ABLIM1: variants seen among roughly 807,000 people sequenced by gnomAD.
ABLIM1 encodes the protein actin-binding LIM protein 1.
A neutral mutation model predicts 107.0 loss-of-function variants in ABLIM1; 40 were observed. That is an observed-to-expected ratio of 0.37 (90% CI 0.29 to 0.49). The LOEUF (loss-of-function observed/expected upper bound fraction) is 0.49. Ranked by LOEUF, ABLIM1 falls within the 20% of genes least tolerant of loss-of-function variation. ABLIM1 has a pLI of 0.97. For missense variants in ABLIM1, 857 were observed against 1,008.5 expected (o/e 0.85, Z 2.04); for synonymous variants, 357 against 357.3 (o/e 1.00, Z 0.01).
At chr10:114,786,580 G>A in the ABLIM1 span, among the ~76,000 whole-genome samples, 1 of 152,130 alleles carries the variant, frequency 6.6e-6, no homozygotes, top group African/African-American at 2.4e-5. Context: ...ATTTGTCATA[G>A]GTCTCTTGAA....
At chr10:114,606,448 A>C (rs1259522798) in intron 1 of ABLIM1, among the ~76,000 whole-genome samples, 1 of 151,958 alleles carries the variant, frequency 6.6e-6, no homozygotes, top group Non-Finnish European at 1.5e-5. Flanking sequence ...GTTGGCCAGG[A>C]TGGTCTTGAT....
At chr10:114,615,608 T>C (rs1165308701) in intron 1 of ABLIM1, 1 of 459,826 alleles carries the variant, frequency 2.2e-6, no homozygotes, top group Non-Finnish European at 4.4e-6. Flanking sequence ...CAGCACTCTA[T>C]AAATGCATGT....
chr10:114,704,335 T>TATATCTCACG (rs3061769), intron 1 of ABLIM1, among the ~76,000 whole-genome samples: 2,389 of 82,972 alleles, frequency 0.029, 274 homozygotes, highest in Non-Finnish European at 0.034. Context: ...TATATATATA[T>TATATCTCACG]TGCGCGCGTT....
chr10:114,615,895 C>T (rs1369825928), intron 1 of ABLIM1, among the ~76,000 whole-genome samples: 1 of 151,916 alleles, frequency 6.6e-6, no homozygotes. Context: ...TGAATGAGAA[C>T]CACACAACAA....
At chr10:114,665,854 A>G (rs2080005074) in intron 1 of ABLIM1, among the ~76,000 whole-genome samples, 1 of 152,218 alleles carries the variant, frequency 6.6e-6, no homozygotes, top group South Asian at 2.1e-4. Context: ...ATCCACAGTC[A>G]AAATTAGATG....
At chr10:114,467,804 T>C (rs2065501707) in intron 11 of ABLIM1, among the ~76,000 whole-genome samples, 1 of 152,210 alleles carries the variant, frequency 6.6e-6, no homozygotes, top group African/African-American at 2.4e-5. Flanking sequence ...TGGCTCTGCT[T>C]ATAGAATACG....
intron 6 of ABLIM1, among the ~76,000 whole-genome samples, chr10:114,495,565 GTGA>G (rs1297627421): frequency 1.3e-5 from 2 of 152,088 alleles, no homozygotes; most frequent in East Asian, 1.9e-4. Context: ...GACAATGATG[GTGA>G]TGATGATGGT....
At chr10:114,773,767 A>G in the ABLIM1 span, among the ~76,000 whole-genome samples, 23 of 152,152 alleles carry the variant, frequency 1.5e-4, no homozygotes, top group African/African-American at 5.5e-4. Context: ...CAGCAAAAAT[A>G]TCTTTCAAAA....
chr10:114,608,087 G>A (rs537989505), intron 1 of ABLIM1, among the ~76,000 whole-genome samples: 21 of 152,114 alleles, frequency 1.4e-4, no homozygotes, highest in South Asian at 4.2e-4. Flanking sequence ...CTTATAGGCC[G>A]GGCACCTTGG....
At chr10:114,722,909 C>A (rs2081880792) in intron 1 of ABLIM1, among the ~76,000 whole-genome samples, 1 of 152,176 alleles carries the variant, frequency 6.6e-6, no homozygotes, top group South Asian at 2.1e-4. Context: ...TTTAACCCAG[C>A]TCAAGCTGAG....
chr10:114,718,115 G>GGAAGGAAGGA (rs1268823409), intron 1 of ABLIM1, among the ~76,000 whole-genome samples: 2 of 67,180 alleles, frequency 3.0e-5, no homozygotes, highest in Non-Finnish European at 7.8e-5. Context: ...GAAAAAGAAA[G>GGAAGGAAGGA]AAAGAAAAAG....
At chr10:114,489,739 G>A (rs2058676947) in intron 7 of ABLIM1, among the ~76,000 whole-genome samples, 2 of 152,144 alleles carry the variant, frequency 1.3e-5, no homozygotes, top group South Asian at 2.1e-4. Flanking sequence ...GTTCTCCAGA[G>A]GTCAGGCACA....
chr10:114,568,046 C>T (rs1484803801), intron 4 of ABLIM1, among the ~76,000 whole-genome samples: 4 of 151,314 alleles, frequency 2.6e-5, no homozygotes, highest in African/African-American at 7.3e-5. Flanking sequence ...AAAAATTAGC[C>T]GGGCGCGGTG....
intron 12 of ABLIM1, among the ~76,000 whole-genome samples, chr10:114,454,505 G>T (rs150586440): frequency 6.6e-6 from 1 of 152,104 alleles, no homozygotes; most frequent in African/African-American, 2.4e-5. Context: ...CAGACTGGAG[G>T]AGCAACAGGA....
chr10:114,503,174 T>C (rs1432917075), intron 6 of ABLIM1, among the ~76,000 whole-genome samples: 1 of 152,204 alleles, frequency 6.6e-6, no homozygotes, highest in Non-Finnish European at 1.5e-5. Context: ...TGGCTGCTTT[T>C]CTGGGCATGG....
chr10:114,762,305 T>C (rs2082766267), intron 1 of ABLIM1, among the ~76,000 whole-genome samples: 1 of 152,184 alleles, frequency 6.6e-6, no homozygotes, highest in Admixed American at 6.5e-5. Context: ...AGTGCTGGGA[T>C]TACAGGCGTG....
At chr10:114,528,914 A>G (rs1025336298) in intron 6 of ABLIM1, among the ~76,000 whole-genome samples, 1 of 152,180 alleles carries the variant, frequency 6.6e-6, no homozygotes, top group Admixed American at 6.5e-5. Context: ...CTTAGATGGT[A>G]AGACCATTTG....
chr10:114,583,462 CACACACATATATATATATATAT>C (rs1566009579), intron 2 of ABLIM1, among the ~76,000 whole-genome samples: 4 of 9,080 alleles, frequency 4.4e-4, no homozygotes, highest in African/African-American at 1.4e-3. Flanking sequence ...CACACACACA[CACACACATATATATATATATAT>C]ATATATATAT....
chr10:114,747,563 G>C (rs918523467), intron 1 of ABLIM1, among the ~76,000 whole-genome samples: 3 of 152,192 alleles, frequency 2.0e-5, no homozygotes, highest in African/African-American at 7.2e-5. Context: ...GGAGTCACAT[G>C]GTCAAGGCCA....
Sources: allele counts gnomAD v4.1 joint callset (sites outside exome capture counted in the v4.1 genomes callset), GRCh38; gene constraint gnomAD v4.1.1; transcripts MANE v1.5; gene names NCBI Gene and HGNC (gene_info 2026-07-23, HGNC 2026-07-21).